The following PSMD1 variants were observed in gnomAD, a reference collection of about 807,000 sequenced individuals.
PSMD1 encodes 26S proteasome non-ATPase regulatory subunit 1.
A neutral mutation model predicts 119.0 loss-of-function variants in PSMD1; 18 were observed. The observed-to-expected ratio is 0.15, with a 90% CI of 0.10 to 0.22. The LOEUF is 0.22. Among genes scored for constraint, PSMD1 ranks in the 10% least tolerant of loss-of-function variants. The pLI, the probability that PSMD1 is intolerant of heterozygous loss-of-function variation, is 1.00. For synonymous variants in PSMD1, 374 were observed against 396.6 expected (o/e 0.94, Z 0.68); for missense variants, 702 against 1,158.5 (o/e 0.61, Z 5.72).
chr2:231,082,987 A>G lies in PSMD1; in HGVS notation c.1518A>G (p.Ala506=), dbSNP rs776483853. ...LLKTNLYQDD[A]VTGEAAGLAL... ...AAACAAACCTTTATCAGGATGATGC[A>G]GTAACAGGTAAGCATTTCTTTCTAA... The change falls in exon 13 of 25, where the codon GCA becomes GCG. Residue 506 remains alanine (A), a synonymous_variant. Coordinates refer to ENST00000308696, the MANE Select transcript of PSMD1 (RefSeq NM_002807.4). 1 of 1,606,786 alleles carries G rather than the reference A, an allele frequency of 6.2e-7. No individual in the cohort carries two copies. Among genetic ancestry groups the G allele is most frequent in the Non-Finnish European group, 8.5e-7 (1 of 1,173,546 alleles).
rs766516080 is a variant in PSMD1, at chr2:231,138,812, A to C, written c.1960A>C (p.Met654Leu). The change falls in exon 17 of 25, where the codon ATG (methionine) becomes CTG (leucine). Residue 654 changes from methionine to leucine, a missense_variant. Coordinates refer to ENST00000308696, the MANE Select transcript of PSMD1 (RefSeq NM_002807.4). ...YNPHVRYGAA[M>L]ALGICCAGTG... ...CCCTCATGTGCGCTACGGAGCTGCA[A>C]TGGCCTTGGGGATATGCTGTGCTGG... is the stretch of plus-strand genomic sequence containing the variant. The C allele has an allele frequency of 6.2e-7, 1 of 1,614,108 alleles. No homozygotes were observed. The highest frequency in any genetic ancestry group is 8.5e-7 in the Non-Finnish European group (1 of 1,180,020).
intron 22 of PSMD1, 47 bp downstream of exon 22, chr2:231,165,333 G>C (rs1305547300): frequency 6.6e-7 from 1 of 1,510,122 alleles, no homozygotes; most frequent in Non-Finnish European, 8.9e-7. Flanking sequence ...CTCTGTCTCT[G>C]TCATGGTCGA....
At chr2:231,066,815 A>G (rs59954660) in intron 4 of PSMD1, 91 bp from the exon 5 acceptor site, 1 of 1,046,496 alleles carries the variant, frequency 9.6e-7, no homozygotes, top group East Asian at 2.6e-5. Context: ...TAGTCATCCC[A>G]TAAGTATATA....
At chr2:231,084,953 C>G (rs1694395651) in intron 14 of PSMD1, 66 bp from the exon 15 acceptor site, 6 of 1,301,180 alleles carry the variant, frequency 4.6e-6, no homozygotes, top group Non-Finnish European at 5.5e-6. Flanking sequence ...GCCACTATGC[C>G]TATTAGACTG....
intron 14 of PSMD1, among the ~76,000 whole-genome samples, chr2:231,084,305 T>C (rs923838668): frequency 2.0e-5 from 3 of 152,022 alleles, no homozygotes; most frequent in Non-Finnish European, 1.5e-5. Context: ...TGAGCAGGGA[T>C]TGAACCACTG....
chr2:231,148,652 C>CA (rs1696302579), intron 18 of PSMD1, among the ~76,000 whole-genome samples: 1 of 152,168 alleles, frequency 6.6e-6, no homozygotes, highest in Non-Finnish European at 1.5e-5. Context: ...GCAAAATTGA[C>CA]ATGTGAAACT....
At chr2:231,088,853 A>T (rs1694517227) in intron 16 of PSMD1, among the ~76,000 whole-genome samples, 1 of 152,220 alleles carries the variant, frequency 6.6e-6, no homozygotes, top group South Asian at 2.1e-4. Context: ...ACATGTCGAA[A>T]GCCAAGATAG....
In PSMD1 at chr2:231,072,269, A is replaced by T. The variant is rs147551981; in HGVS notation, c.735A>T (p.Ala245=). ...KLVKEDNLLM[A]YQICFDLYES... is the part of the protein sequence containing the mutation. ...TAAAGGAAGACAACCTCCTGATGGC[A>T]TATCAGATTTGTTTTGATTTGTATG... The change falls in exon 7 of 25, where the codon GCA becomes GCT. Residue 245 remains alanine, a synonymous_variant. Transcript: ENST00000308696. 2 of 1,613,940 alleles carry T rather than the reference A, an allele frequency of 1.2e-6. No individual in the cohort carries two copies. Among genetic ancestry groups the T allele is most frequent in the East Asian group, 4.5e-5 (2 of 44,872 alleles).
intron 16 of PSMD1, among the ~76,000 whole-genome samples, chr2:231,095,148 A>C (rs1694694364): frequency 6.6e-6 from 1 of 152,222 alleles, no homozygotes; most frequent in South Asian, 2.1e-4. Context: ...CTATTTCCTC[A>C]ATTCCCCTTT....
intron 19 of PSMD1, among the ~76,000 whole-genome samples, chr2:231,158,725 T>C (rs1696566810): frequency 1.3e-5 from 2 of 152,222 alleles, no homozygotes; most frequent in Admixed American, 1.3e-4. Flanking sequence ...ATAGCTATCA[T>C]AATACTTTCA....
chr2:231,068,311 A>T (rs1236024106), intron 5 of PSMD1, among the ~76,000 whole-genome samples: 1 of 152,244 alleles, frequency 6.6e-6, no homozygotes, highest in Non-Finnish European at 1.5e-5. Flanking sequence ...CTAATGTGAT[A>T]TAATGGCCCT....
intron 19 of PSMD1, among the ~76,000 whole-genome samples, chr2:231,159,433 ATG>A (rs1408839620): frequency 6.6e-6 from 1 of 152,152 alleles, no homozygotes; most frequent in African/African-American, 2.4e-5. Context: ...TAAATAGAAC[ATG>A]TGTTTTCCAG....
At chr2:231,100,329 G>C (rs1694832490) in intron 16 of PSMD1, among the ~76,000 whole-genome samples, 1 of 152,204 alleles carries the variant, frequency 6.6e-6, no homozygotes, top group Admixed American at 6.5e-5. Context: ...TCTTATCCCT[G>C]ACGCACATGG....
intron 16 of PSMD1, among the ~76,000 whole-genome samples, chr2:231,113,308 T>A (rs1346701910): frequency 6.6e-6 from 1 of 152,226 alleles, no homozygotes; most frequent in Non-Finnish European, 1.5e-5. Context: ...AGTTGTTATT[T>A]TTGTTTTTTC....
chr2:231,069,975 T>C, intron 5 of PSMD1, 50 bp from the exon 6 acceptor site: 1 of 1,272,748 alleles, frequency 7.9e-7, no homozygotes. Flanking sequence ...TAAATAAATA[T>C]AATGCTGCAA....
At chr2:231,159,773 C>G (rs1696590869) in intron 19 of PSMD1, among the ~76,000 whole-genome samples, 1 of 152,138 alleles carries the variant, frequency 6.6e-6, no homozygotes, top group Non-Finnish European at 1.5e-5. Context: ...CTTTTTGACA[C>G]CAGGGACAGG....
intron 24 of PSMD1, among the ~76,000 whole-genome samples, chr2:231,171,274 TCTAC>T (rs753225129): frequency 9.2e-5 from 14 of 152,196 alleles, no homozygotes; most frequent in Non-Finnish European, 1.9e-4. Context: ...CTATTGAATA[TCTAC>T]TGTGTATAAG....
intron 8 of PSMD1, among the ~76,000 whole-genome samples, chr2:231,076,215 G>C (rs1234593767): frequency 6.6e-6 from 1 of 152,166 alleles, no homozygotes; most frequent in Non-Finnish European, 1.5e-5. Context: ...TGGGAGGGAG[G>C]CTAATTGTTT....
Position 231,146,250 on chromosome 2 carries a change from A to T in PSMD1, c.2009A>T (p.Asn670Ile). The T allele has an allele frequency of 6.2e-7, 1 of 1,610,968 alleles. No individual in the cohort carries two copies. Among genetic ancestry groups the T allele is most frequent in the African/African-American group, 1.3e-5 (1 of 74,934 alleles). ...TTTAAATTCTTTCAGGAAGCCATTAATTTGCTAGAACCAATGACAAACGAC... is the reference window on the plus strand; with the variant it reads ...TTTAAATTCTTTCAGGAAGCCATTATTTTGCTAGAACCAATGACAAACGAC... ...CAGTGNKEAINLLEPMTNDPV... is the reference protein window; with the variant it reads ...CAGTGNKEAIILLEPMTNDPV... The change falls in exon 18 of 25, where the codon AAT (asparagine) becomes ATT (isoleucine). Residue 670 changes from asparagine to isoleucine, a missense_variant. Physicochemically the swap from Asn to Ile is moderately radical, Grantham distance 149 (BLOSUM62 -3). Coordinates refer to ENST00000308696, the MANE Select transcript of PSMD1 (RefSeq NM_002807.4).
Sources: gnomAD v4.1 joint callset for allele counts (sites outside exome capture counted in the v4.1 genomes callset) on GRCh38, gnomAD v4.1.1 for gene constraint, MANE v1.5 for transcripts, NCBI Gene and HGNC (gene_info 2026-07-23, HGNC 2026-07-21) for gene names.